Variants in TGFBI observed in about 807,000 individuals in gnomAD.
TGFBI encodes transforming growth factor beta induced.
A neutral mutation model predicts 73.7 loss-of-function variants in TGFBI; 50 were observed. The observed-to-expected ratio is 0.68, with a 90% CI of 0.54 to 0.86. The LOEUF (loss-of-function observed/expected upper bound fraction) is 0.86. Ranked by LOEUF, TGFBI falls within the 40% of genes least tolerant of loss-of-function variation. The pLI is 0.00. For synonymous variants in TGFBI, 362 were observed against 360.5 expected (o/e 1.00, Z -0.05); for missense variants, 839 against 877.0 (o/e 0.96, Z 0.55).
Position 136,049,323 on chromosome 5 carries a change from T to C in TGFBI, c.772-116T>C, listed in dbSNP as rs375991586. On this transcript the variant is annotated intron_variant, in intron 6 of 16. Transcript: ENST00000442011. ...CTTGGGTTTGGCTTCTGTTTTCGTC[T>C]TGGGCTTCTGTGAAAGCCTCGAGCC... 10 of 1,391,494 alleles carry C rather than the reference T, an allele frequency of 7.2e-6. No homozygotes were observed. In the African/African-American group the frequency reaches 8.6e-5, roughly 12 times the overall value. 86.2% of individuals were successfully genotyped at this position (1,391,494 alleles called of 1,614,324 possible). A position where few individuals can be genotyped will look rare whatever the true frequency, so the allele number is the denominator to read the frequency against.
chr5:136,062,669 C>A lies in TGFBI; in HGVS notation c.1993C>A (p.Gln665Lys). 1 of 1,567,222 alleles carries A rather than the reference C, an allele frequency of 6.4e-7. No homozygotes were observed. Among genetic ancestry groups the A allele is most frequent in the East Asian group, 2.3e-5 (1 of 42,796 alleles). Residue 665 changes from glutamine (Q) to lysine (K), a missense_variant, in exon 16 of 17, where the codon CAG (glutamine) becomes AAG (lysine). Physicochemically the swap from Gln to Lys is moderately conservative, Grantham distance 53. Coordinates refer to ENST00000442011, the MANE Select transcript of TGFBI (RefSeq NM_000358.3). Reference sequence around the variant, plus strand: ...ACCTTGTGTTTTCTTTCAGGCTTCCCAGAGGTCTGTGCGACTAGGTGAGTC... The same window carrying A: ...ACCTTGTGTTTTCTTTCAGGCTTCCAAGAGGTCTGTGCGACTAGGTGAGTC... ...KQASAFSRAS[Q>K]RSVRLAPVYQ... is the part of the protein sequence containing the mutation.
intron 10 of TGFBI, 40 bp from the exon 11 acceptor site, chr5:136,055,640 T>A: frequency 6.5e-7 from 1 of 1,531,270 alleles, no homozygotes; most frequent in Non-Finnish European, 8.9e-7. Flanking sequence ...CTCGTGGAAG[T>A]ATAACCAGTC....
chr5:136,053,504 C>G (rs1751574217), intron 8 of TGFBI, among the ~76,000 whole-genome samples: 1 of 152,266 alleles, frequency 6.6e-6, no homozygotes, highest in Non-Finnish European at 1.5e-5. Context: ...TGGACTTTGG[C>G]TTGTGTCTCA....
At chr5:136,031,104 G>A (rs1393999421) in intron 1 of TGFBI, among the ~76,000 whole-genome samples, 2 of 152,226 alleles carry the variant, frequency 1.3e-5, no homozygotes, top group Admixed American at 6.5e-5. Flanking sequence ...AAGGCCTATT[G>A]TAATCTGTGA....
At position 136,053,134 on chromosome 5, in the gene TGFBI, CG is replaced by C; in HGVS notation, c.1126+20del. 6.2e-7 allele frequency: 1 copy of C among 1,611,888 alleles called. No homozygotes were observed. Among genetic ancestry groups the C allele is most frequent in the Non-Finnish European group, 8.5e-7 (1 of 1,178,622 alleles). On this transcript the variant is annotated intron_variant, in intron 8 of 16. Coordinates refer to ENST00000442011, the MANE Select transcript of TGFBI (RefSeq NM_000358.3). ...CCCAGACTCAGGTAGGCCAGGCCTC[CG>C]GGGGCCTTGGCCCTGCCTGGCCCAC... is the stretch of plus-strand genomic sequence containing the variant.
At chr5:136,059,763 G>A (rs990420871) in intron 13 of TGFBI, among the ~76,000 whole-genome samples, 1 of 152,234 alleles carries the variant, frequency 6.6e-6, no homozygotes, top group African/African-American at 2.4e-5. Flanking sequence ...TGACCCCTCT[G>A]TGGAGGGACC....
Position 136,063,226 on chromosome 5 carries a change from G to A in TGFBI, c.2052G>A (p.Ter684=). The A allele has an allele frequency of 1.2e-6, 2 of 1,613,596 alleles. No individual in the cohort carries two copies. The highest frequency in any genetic ancestry group is 8.5e-7 in the Non-Finnish European group (1 of 1,179,624). Reference sequence around the variant, plus strand: ...AGTTATTAGAGAGGATGAAGCATTAGCTTGAAGCACTACAGGAGGAATGCA... The same window carrying A: ...AGTTATTAGAGAGGATGAAGCATTAACTTGAAGCACTACAGGAGGAATGCA... ...YQKLLERMKH[*] The change falls in exon 17 of 17, where the codon TAG becomes TAA. Residue 684 remains the stop codon, a stop_retained_variant. Transcript: ENST00000442011.
chr5:136,063,085 G>A, intron 16 of TGFBI, 101 bp from the exon 17 acceptor site: 3 of 1,071,026 alleles, frequency 2.8e-6, no homozygotes, highest in Non-Finnish European at 4.3e-6. Flanking sequence ...GAGCATGGCA[G>A]AAGGAGGCTG....
intron 7 of TGFBI, among the ~76,000 whole-genome samples, chr5:136,052,574 T>C (rs192544102): frequency 6.6e-6 from 1 of 152,254 alleles, no homozygotes; most frequent in Admixed American, 6.5e-5. Flanking sequence ...CCGTGCCGAG[T>C]GCTTTAGGTT....
rs745381374 is a variant in TGFBI at position 136,047,309 on chromosome 5, C to G, written c.660C>G (p.Ala220=). The G allele has an allele frequency of 1.6e-5, 26 of 1,613,724 alleles. No homozygotes were observed. In the East Asian group the frequency reaches 5.8e-4, roughly 36 times the overall value. Residue 220 remains alanine (A), a synonymous_variant, in exon 6 of 17, where the codon GCC becomes GCG. Coordinates refer to ENST00000442011, the MANE Select transcript of TGFBI (RefSeq NM_000358.3). ...VTVNCARLLK[A]DHHATNGVVH... ...TGAACTGTGCCCGGCTGCTGAAAGC[C>G]GACCACCATGCAACCAACGGGGTGG...
At chr5:136,030,934 C>A (rs1218118976) in intron 1 of TGFBI, among the ~76,000 whole-genome samples, 1 of 152,218 alleles carries the variant, frequency 6.6e-6, no homozygotes, top group Non-Finnish European at 1.5e-5. Flanking sequence ...CAGCAAACCT[C>A]TTTCCCTTCA....
intron 12 of TGFBI, chr5:136,058,840 A>G (rs940195413): frequency 1.5e-5 from 6 of 387,346 alleles, no homozygotes; most frequent in East Asian, 4.5e-5. Context: ...CAGCATATTT[A>G]ACCCAGAGGC....
Position 136,029,008 on chromosome 5 carries a change from C to G in TGFBI, c.-48C>G, listed in dbSNP as rs1275184731. ...GCGCTCTCACTTCCCTGGAGCCGCC[C>G]GCTTGCCCGTCGGTCGCTAGCTCGC... is the stretch of plus-strand genomic sequence containing the variant. On this transcript the variant is annotated 5_prime_UTR_variant, in exon 1 of 17. Transcript: ENST00000442011. 6 of 1,507,336 alleles carry G rather than the reference C, an allele frequency of 4.0e-6. No homozygotes were observed. Among genetic ancestry groups the G allele is most frequent in the Non-Finnish European group, 5.3e-6 (6 of 1,135,068 alleles). 93.4% of individuals were successfully genotyped at this position (1,507,336 alleles called of 1,614,324 possible).
chr5:136,046,932 C>G lies in TGFBI; in HGVS notation c.541C>G (p.Leu181Val), dbSNP rs774254522. The change falls in exon 5 of 17, where the codon CTG becomes GTG. Residue 181 changes from leucine to valine, a missense_variant. Transcript: ENST00000442011. The part of the protein sequence containing the change: ...LRYHMVGRRV[L>V]TDELKHGMTL... ...CTACCATATGGTGGGCAGGCGAGTCCTGACTGATGAGCTGAAACACGGCAT... is the reference window on the plus strand; with the variant it reads ...CTACCATATGGTGGGCAGGCGAGTCGTGACTGATGAGCTGAAACACGGCAT... 5 of 1,613,784 alleles carry G rather than the reference C, an allele frequency of 3.1e-6. 1 individual carries two copies. The South Asian group carries it at 5.5e-5, about 18-fold the overall frequency.
intron 1 of TGFBI, among the ~76,000 whole-genome samples, chr5:136,031,755 C>T (rs549926589): frequency 6.6e-6 from 1 of 152,302 alleles, no homozygotes; most frequent in Admixed American, 6.5e-5. Flanking sequence ...AACATCAATG[C>T]TGTTATTCTT....
chr5:136,054,716 A>T lies in TGFBI; in HGVS notation c.1265A>T (p.Asp422Val). The T allele has an allele frequency of 1.2e-6, 2 of 1,613,948 alleles. No individual in the cohort carries two copies. The highest frequency in any genetic ancestry group is 1.7e-6 in the Non-Finnish European group (2 of 1,179,890). ...LLAPLNSVFK[D>V]GTPPIDAHTR... ...ACCTAACCATCACCCTTTCTTGTAGATGGAACCCCTCCAATTGATGCCCAT... is the reference window on the plus strand; with the variant it reads ...ACCTAACCATCACCCTTTCTTGTAGTTGGAACCCCTCCAATTGATGCCCAT... Residue 422 changes from aspartate (D) to valine (V), a missense_variant and splice_region_variant, in exon 10 of 17, where the codon GAT (aspartate) becomes GTT (valine). By Grantham distance (152) the Asp-to-Val change is radical. Coordinates refer to ENST00000442011, the MANE Select transcript of TGFBI (RefSeq NM_000358.3).
chr5:136,033,913 G>T lies in TGFBI; in HGVS notation c.233+52G>T, dbSNP rs373127342. On this transcript the variant is annotated intron_variant, in intron 2 of 16. Coordinates refer to ENST00000442011, the MANE Select transcript of TGFBI (RefSeq NM_000358.3). ...CCAAGCTGTATGCACGCTGGCTGCAGTTCCCCAGGGCCTGGGCCAGCCTTC... is the reference window on the plus strand; with the variant it reads ...CCAAGCTGTATGCACGCTGGCTGCATTTCCCCAGGGCCTGGGCCAGCCTTC... 4 of 1,464,540 alleles carry T rather than the reference G, an allele frequency of 2.7e-6. No individual in the cohort carries two copies. In the Admixed American group the frequency reaches 7.1e-5, roughly 26 times the overall value. The allele number at this position is 1,464,540 out of a possible 1,614,324, so 90.7% of individuals were successfully genotyped here.
intron 4 of TGFBI, 157 bp from the exon 5 acceptor site, chr5:136,046,694 T>A (rs1475944499): frequency 8.1e-7 from 1 of 1,228,124 alleles, no homozygotes. Context: ...CGTTCCCTAC[T>A]GGGCAGAAAG....
chr5:136,030,982 T>C (rs1032435151), intron 1 of TGFBI, among the ~76,000 whole-genome samples: 1 of 152,150 alleles, frequency 6.6e-6, no homozygotes, highest in Non-Finnish European at 1.5e-5. Flanking sequence ...AAAACAGGGT[T>C]TTTTTCTTAA....
Sources: gnomAD v4.1 joint callset for allele counts (sites outside exome capture counted in the v4.1 genomes callset) on GRCh38, gnomAD v4.1.1 for gene constraint, MANE v1.5 for transcripts, NCBI Gene and HGNC (gene_info 2026-07-23, HGNC 2026-07-21) for gene names.